The following POU6F2 variants were observed in gnomAD, a reference collection of about 807,000 sequenced individuals.
POU6F2 encodes the protein POU class 6 homeobox 2.
In POU6F2, 31 loss-of-function variants were observed where a neutral mutation model predicts 71.3. The ratio of observed to expected loss-of-function variants is 0.43; its 90% CI spans 0.33 to 0.59. The LOEUF is 0.59. Ranked by LOEUF, POU6F2 falls within the 20% of genes least tolerant of loss-of-function variation. POU6F2 has a pLI of 0.04. For synonymous variants in POU6F2, 347 were observed against 355.7 expected (o/e 0.98, Z 0.27); for missense variants, 783 against 856.8 (o/e 0.91, Z 1.07).
chr7:39,071,327 G>A (rs950822513), intron 1 of POU6F2, among the ~76,000 whole-genome samples: 6 of 151,950 alleles, frequency 3.9e-5, no homozygotes, highest in Non-Finnish European at 8.8e-5. Flanking sequence ...AGGAGGCAGA[G>A]CTCAGGTGGT....
chr7:39,117,341 A>C (rs916995758), intron 2 of POU6F2, among the ~76,000 whole-genome samples: 3 of 152,168 alleles, frequency 2.0e-5, no homozygotes, highest in Non-Finnish European at 4.4e-5. Flanking sequence ...CCATATTGAT[A>C]CTACTAGGGG....
chr7:39,364,493 A>G (rs1369790586), intron 5 of POU6F2, among the ~76,000 whole-genome samples: 1 of 152,040 alleles, frequency 6.6e-6, no homozygotes, highest in East Asian at 1.9e-4. Flanking sequence ...CTTAGCTTCC[A>G]CTTATGAGCG....
intron 2 of POU6F2, among the ~76,000 whole-genome samples, chr7:39,140,212 G>GT (rs1405145472): frequency 3.9e-5 from 6 of 152,248 alleles, no homozygotes; most frequent in Non-Finnish European, 7.4e-5. Context: ...CAGAATTAAA[G>GT]TTTTTTTCAA....
At chr7:39,354,441 T>C (rs1369352089) in intron 5 of POU6F2, among the ~76,000 whole-genome samples, 1 of 152,150 alleles carries the variant, frequency 6.6e-6, no homozygotes, top group Non-Finnish European at 1.5e-5. Flanking sequence ...TGGATTGAAA[T>C]AATCTAAAGT....
At chr7:39,037,700 C>T (rs1309290339) in intron 1 of POU6F2, among the ~76,000 whole-genome samples, 1 of 152,008 alleles carries the variant, frequency 6.6e-6, no homozygotes, top group Admixed American at 6.6e-5. Flanking sequence ...TCCAGTACCA[C>T]AGACCAAATC....
At chr7:39,003,194 G>A (rs1294491243) in intron 1 of POU6F2, among the ~76,000 whole-genome samples, 1 of 151,938 alleles carries the variant, frequency 6.6e-6, no homozygotes, top group Non-Finnish European at 1.5e-5. Context: ...AAGCCATCAA[G>A]GACATACTAA....
intron 1 of POU6F2, among the ~76,000 whole-genome samples, chr7:39,010,448 A>G (rs909559015): frequency 2.0e-5 from 3 of 151,384 alleles, no homozygotes; most frequent in Non-Finnish European, 4.4e-5. Context: ...TGGTCTATGA[A>G]TTTTGTTGAT....
chr7:39,054,752 G>A (rs1211156857), intron 1 of POU6F2, among the ~76,000 whole-genome samples: 1 of 147,762 alleles, frequency 6.8e-6, no homozygotes, highest in Non-Finnish European at 1.5e-5. Context: ...CACAGCACAG[G>A]GAAAAGATCA....
intron 6 of POU6F2, among the ~76,000 whole-genome samples, chr7:39,423,330 A>G (rs1448846089): frequency 1.3e-5 from 2 of 152,172 alleles, no homozygotes; most frequent in Non-Finnish European, 2.9e-5. Flanking sequence ...GGATTTACAG[A>G]ATACTCCTAC....
intron 2 of POU6F2, among the ~76,000 whole-genome samples, chr7:39,144,872 C>T (rs1250920665): frequency 6.6e-6 from 1 of 152,178 alleles, no homozygotes. Flanking sequence ...GTCCTCCTTG[C>T]TCCTCCTGGA....
At chr7:39,365,140 A>G (rs992749100) in intron 5 of POU6F2, among the ~76,000 whole-genome samples, 1 of 152,162 alleles carries the variant, frequency 6.6e-6, no homozygotes, top group Non-Finnish European at 1.5e-5. Flanking sequence ...AAACTCTACT[A>G]TAAGGCCATC....
intron 1 of POU6F2, among the ~76,000 whole-genome samples, chr7:39,074,371 T>A (rs1246735654): frequency 6.6e-6 from 1 of 151,952 alleles, no homozygotes; most frequent in Non-Finnish European, 1.5e-5. Flanking sequence ...TCCCAGCTAC[T>A]TGGGAGGCTG....
chr7:39,058,073 T>G (rs1790572293), intron 1 of POU6F2, among the ~76,000 whole-genome samples: 12 of 152,238 alleles, frequency 7.9e-5, no homozygotes, highest in Admixed American at 7.9e-4. Context: ...ATGTCTCTCC[T>G]GCTCCAGCTC....
intron 5 of POU6F2, among the ~76,000 whole-genome samples, chr7:39,398,505 T>TTGCACCAGATTCTAGAC (rs1787227368): frequency 6.7e-6 from 1 of 148,724 alleles, no homozygotes; most frequent in Non-Finnish European, 1.5e-5. Context: ...TTGGACTATT[T>TTGCACCAGATTCTAGAC]TGCACCAGAT....
intron 7 of POU6F2, among the ~76,000 whole-genome samples, chr7:39,444,617 T>C (rs1160818390): frequency 6.6e-6 from 1 of 152,048 alleles, no homozygotes; most frequent in Non-Finnish European, 1.5e-5. Context: ...AGTAAGAGAG[T>C]GATGAGAATC....
intron 2 of POU6F2, among the ~76,000 whole-genome samples, chr7:39,090,157 T>G (rs538523214): frequency 4.0e-4 from 61 of 152,276 alleles, no homozygotes; most frequent in African/African-American, 1.3e-3. Context: ...TCAATGCCAT[T>G]TATCTGTGAG....
At chr7:38,987,033 C>T (rs1788480066) in intron 1 of POU6F2, among the ~76,000 whole-genome samples, 1 of 152,130 alleles carries the variant, frequency 6.6e-6, no homozygotes, top group Admixed American at 6.6e-5. Context: ...TCTCTGCAAT[C>T]AGTCTAACAA....
At chr7:39,434,868 G>A (rs11972350) in intron 7 of POU6F2, among the ~76,000 whole-genome samples, 51,140 of 151,872 alleles carry the variant, frequency 0.34, 9,627 homozygotes, top group East Asian at 0.58. Flanking sequence ...CCCGTTATGA[G>A]TGAGAACATG....
intron 4 of POU6F2, among the ~76,000 whole-genome samples, chr7:39,290,703 C>A (rs1031497212): frequency 1.2e-4 from 18 of 152,190 alleles, no homozygotes; most frequent in African/African-American, 4.3e-4. Context: ...CAGCTATGCC[C>A]TCTCTTTGCA....
Sources: gnomAD v4.1 joint callset for allele counts (sites outside exome capture counted in the v4.1 genomes callset) on GRCh38, gnomAD v4.1.1 for gene constraint, MANE v1.5 for transcripts, NCBI Gene and HGNC (gene_info 2026-07-23, HGNC 2026-07-21) for gene names.